Variants in GLIS3 observed in about 807,000 individuals in gnomAD.
GLIS3 encodes the protein zinc finger protein GLIS3.
In GLIS3, 53 loss-of-function variants were observed where a neutral mutation model predicts 78.6. The ratio of observed to expected loss-of-function variants is 0.67; its 90% CI spans 0.54 to 0.85. The LOEUF (loss-of-function observed/expected upper bound fraction) is 0.85. GLIS3 is among the 40% of genes least tolerant of loss of function. The probability of loss-of-function intolerance (pLI) is 0.00; values close to 1 mark genes in which losing one functional copy is unlikely to be tolerated. For synonymous variants in GLIS3, 684 were observed against 509.9 expected (o/e 1.34, Z -4.60); for missense variants, 1,703 against 1,231.1 (o/e 1.38, Z -5.74).
At chr9:4,034,308 A>G (rs960846321) in intron 4 of GLIS3, among the ~76,000 whole-genome samples, 3 of 152,186 alleles carry the variant, frequency 2.0e-5, no homozygotes, top group African/African-American at 7.2e-5. Flanking sequence ...AACAGAAAAA[A>G]AAGTCTGTTT....
chr9:4,254,910 G>T (rs1824771439), intron 2 of GLIS3, among the ~76,000 whole-genome samples: 1 of 151,240 alleles, frequency 6.6e-6, no homozygotes, highest in African/African-American at 2.4e-5. Context: ...AAAGACAGAA[G>T]CCACAGACTA....
At chr9:4,276,436 CGGGAGGGGAG>C (rs201589293) in intron 2 of GLIS3, among the ~76,000 whole-genome samples, 5 of 1,390 alleles carry the variant, frequency 3.6e-3, no homozygotes, top group Non-Finnish European at 6.8e-3. Context: ...GGGAAGGGGA[CGGGAGGGGAG>C]GGAAGGGGAG....
At chr9:3,832,021 C>T (rs1017336665) in intron 9 of GLIS3, among the ~76,000 whole-genome samples, 2 of 151,598 alleles carry the variant, frequency 1.3e-5, no homozygotes, top group African/African-American at 4.8e-5. Context: ...ACTCTGGATC[C>T]TGGGGTTCAA....
chr9:3,930,215 A>C (rs145086651), intron 6 of GLIS3, among the ~76,000 whole-genome samples: 102 of 152,328 alleles, frequency 6.7e-4, no homozygotes, highest in African/African-American at 2.3e-3. Context: ...ACTTATCACT[A>C]AGGGCTGTGC....
At chr9:3,895,267 T>A (rs1409829522) in intron 7 of GLIS3, among the ~76,000 whole-genome samples, 1 of 152,236 alleles carries the variant, frequency 6.6e-6, no homozygotes, top group Admixed American at 6.5e-5. Context: ...GACTATCAGA[T>A]AAATCATCTA....
intron 2 of GLIS3, among the ~76,000 whole-genome samples, chr9:4,243,229 T>C (rs559611225): frequency 6.6e-6 from 1 of 152,264 alleles, no homozygotes; most frequent in African/African-American, 2.4e-5. Context: ...TCAGATCTTG[T>C]TTAACCTGTG....
chr9:4,198,934 C>T (rs1458001481), intron 2 of GLIS3, among the ~76,000 whole-genome samples: 1 of 152,134 alleles, frequency 6.6e-6, no homozygotes, highest in Non-Finnish European at 1.5e-5. Flanking sequence ...AAAGAAATTC[C>T]AGCCAAGAAT....
At chr9:4,248,902 T>C (rs1036987980) in intron 2 of GLIS3, among the ~76,000 whole-genome samples, 4 of 152,206 alleles carry the variant, frequency 2.6e-5, no homozygotes, top group African/African-American at 7.2e-5. Context: ...GAAGTGTCTG[T>C]TCGTATACTT....
intron 4 of GLIS3, among the ~76,000 whole-genome samples, chr9:4,112,061 T>C (rs141190024): frequency 1.3e-5 from 2 of 152,218 alleles, no homozygotes; most frequent in Non-Finnish European, 2.9e-5. Flanking sequence ...GAACACTCTA[T>C]CTTACCTTTA....
At chr9:4,091,149 G>A (rs2130752327) in intron 4 of GLIS3, among the ~76,000 whole-genome samples, 1 of 152,200 alleles carries the variant, frequency 6.6e-6, no homozygotes, top group Middle Eastern at 3.4e-3. Context: ...GAGTCCAGGA[G>A]GTGGAGACCA....
intron 4 of GLIS3, among the ~76,000 whole-genome samples, chr9:4,082,511 C>T (rs1187039257): frequency 6.6e-6 from 1 of 152,168 alleles, no homozygotes; most frequent in African/African-American, 2.4e-5. Flanking sequence ...AACAACCTAT[C>T]TTATGAGACT....
At chr9:4,296,990 G>A (rs1052357866) in intron 1 of GLIS3, among the ~76,000 whole-genome samples, 5 of 151,288 alleles carry the variant, frequency 3.3e-5, no homozygotes, top group Admixed American at 1.3e-4. Flanking sequence ...GACCTTCATC[G>A]TGGCGGATTC....
At chr9:4,287,946 A>G (rs950297306) in intron 1 of GLIS3, among the ~76,000 whole-genome samples, 13 of 152,212 alleles carry the variant, frequency 8.5e-5, no homozygotes, top group African/African-American at 2.9e-4. Context: ...CTCTATTTTC[A>G]CTAAGAATGC....
At chr9:4,460,635 C>G in the GLIS3 span, among the ~76,000 whole-genome samples, 1 of 143,140 alleles carries the variant, frequency 7.0e-6, no homozygotes, top group Admixed American at 7.5e-5. Context: ...AAGCAGAAGC[C>G]ATCCCAAGAG....
chr9:3,939,465 T>G (rs1302730254), intron 4 of GLIS3, among the ~76,000 whole-genome samples: 1 of 152,208 alleles, frequency 6.6e-6, no homozygotes, highest in Non-Finnish European at 1.5e-5. Context: ...ATTATTACTC[T>G]TAACAGAAGC....
intron 6 of GLIS3, among the ~76,000 whole-genome samples, chr9:3,914,673 T>A (rs1326078352): frequency 1.3e-5 from 2 of 152,206 alleles, no homozygotes; most frequent in Admixed American, 6.5e-5. Context: ...TTCTAAAGAG[T>A]CAATGTCAAG....
At chr9:3,969,022 A>T (rs1235053445) in intron 4 of GLIS3, among the ~76,000 whole-genome samples, 1 of 152,186 alleles carries the variant, frequency 6.6e-6, no homozygotes, top group East Asian at 1.9e-4. Context: ...ATTGTGTCAC[A>T]GAAGCAATTG....
At chr9:4,284,744 CAA>C (rs796997240) in intron 2 of GLIS3, among the ~76,000 whole-genome samples, 17 of 123,900 alleles carry the variant, frequency 1.4e-4, no homozygotes, top group Admixed American at 1.7e-4. Flanking sequence ...AATCCTGTCT[CAA>C]AAAAAAAAAA....
Position 3,898,807 on chromosome 9 carries a change from T to C in GLIS3, c.2012A>G (p.Asp671Gly), listed in dbSNP as rs778931847. ...CACGGTGAGGCAATCTGTGAGCAGG[T>C]CTGGATGGAGCTCTGTGCTGGACCG... ...KLRSSTELHPDLLTDCLTVQS... is the reference protein window; with the variant it reads ...KLRSSTELHPGLLTDCLTVQS... The change falls in exon 7 of 11, where the codon GAC (aspartate) becomes GGC (glycine). Residue 671 changes from aspartate (D) to glycine (G), a missense_variant. By Grantham distance (94) the Asp-to-Gly change is moderately conservative (BLOSUM62 -1). Coordinates refer to ENST00000381971, the MANE Select transcript of GLIS3 (RefSeq NM_001042413.2). 1.9e-6 allele frequency: 3 copies of C among 1,613,992 alleles called. No individual in the cohort carries two copies. Among genetic ancestry groups the C allele is most frequent in the Non-Finnish European group, 2.5e-6 (3 of 1,180,008 alleles).
Sources: allele counts gnomAD v4.1 joint callset (sites outside exome capture counted in the v4.1 genomes callset), GRCh38; gene constraint gnomAD v4.1.1; transcripts MANE v1.5; gene names NCBI Gene and HGNC (gene_info 2026-07-23, HGNC 2026-07-21).